The following NOTCH2 variants were observed in gnomAD, a reference collection of about 807,000 sequenced individuals.
NOTCH2 encodes neurogenic locus notch homolog protein 2.
A neutral mutation model predicts 235.8 loss-of-function variants in NOTCH2; 29 were observed. The observed-to-expected ratio is 0.12, with a 90% CI of 0.09 to 0.17. The LOEUF is 0.17. NOTCH2 is among the 10% of genes least tolerant of loss of function. The pLI is 1.00. For missense variants in NOTCH2, 2,285 were observed against 3,150.2 expected, an observed-to-expected ratio of 0.73 and a Z score of 6.57; for synonymous variants, 1,086 against 1,141.5, an observed-to-expected ratio of 0.95 and a Z score of 0.98.
At position 119,915,084 on chromosome 1, in the gene NOTCH2, C is replaced by T. The variant is rs1269715961; in HGVS notation, c.*222G>A. On this transcript the variant is annotated 3_prime_UTR_variant, in exon 34 of 34. Transcript: ENST00000256646. ...GGCTTGTATTCATCTTGCATTTCCA[C>T]AAACTTGTCTTATTAGATTAGAATA... is the stretch of plus-strand genomic sequence containing the variant. 1 of 584,634 alleles carries T rather than the reference C, an allele frequency of 1.7e-6. No homozygotes were observed. Among genetic ancestry groups the T allele is most frequent in the African/African-American group, 1.9e-5 (1 of 53,730 alleles). The allele number at this position is 584,634 out of a possible 1,614,324, so 36.2% of individuals were successfully genotyped here. A position where few individuals can be genotyped will look rare whatever the true frequency, so the allele number is the denominator to read the frequency against.
At chr1:119,959,232 C>G (rs1650844719) in intron 12 of NOTCH2, among the ~76,000 whole-genome samples, 160 bp downstream of exon 12, 1 of 152,164 alleles carries the variant, frequency 6.6e-6, no homozygotes, top group Non-Finnish European at 1.5e-5. Flanking sequence ...TAGAAAAGGT[C>G]TGTGAACAGA....
intron 24 of NOTCH2, 75 bp downstream of exon 24, chr1:119,926,424 G>T (rs373278007): frequency 6.1e-5 from 70 of 1,149,840 alleles, no homozygotes; most frequent in East Asian, 6.0e-4. Flanking sequence ...GTAAAACCAG[G>T]TTTAATCTCA....
intron 3 of NOTCH2, among the ~76,000 whole-genome samples, chr1:120,000,532 C>CAAA (rs1183950511): frequency 1.2e-3 from 42 of 35,490 alleles, no homozygotes; most frequent in African/African-American, 4.6e-3. Context: ...TACTCCATCT[C>CAAA]AAAAAAAAAA....
chr1:120,005,523 T>C lies in NOTCH2; in HGVS notation c.221A>G (p.Gln74Arg), dbSNP rs782359787. Residue 74 changes from glutamine to arginine, a missense_variant, in exon 3 of 34, where the codon CAG (glutamine) becomes CGG (arginine). Gln to Arg is a conservative substitution (Grantham distance 43, BLOSUM62 1). Transcript: ENST00000256646. The stretch of plus-strand genomic sequence containing the variant: ...CTGGGCCACACAAGTCCCACCATTC[T>C]GGCAGCGGTTCTTCTCACAGGGGTC... The part of the protein sequence containing the change: ...HRDPCEKNRC[Q>R]NGGTCVAQAM... 4 of 1,609,706 alleles carry C rather than the reference T, an allele frequency of 2.5e-6. No homozygotes were observed. Among genetic ancestry groups the C allele is most frequent in the African/African-American group, 2.7e-5 (2 of 74,538 alleles).
chr1:119,962,665 G>C (rs1164171380), intron 11 of NOTCH2, among the ~76,000 whole-genome samples: 1 of 152,058 alleles, frequency 6.6e-6, no homozygotes, highest in Admixed American at 6.6e-5. Context: ...TCTCTACATA[G>C]GTCATTTTCC....
At chr1:120,004,774 G>A (rs1553206012) in intron 3 of NOTCH2, among the ~76,000 whole-genome samples, 2 of 151,530 alleles carry the variant, frequency 1.3e-5, no homozygotes, top group African/African-American at 4.9e-5. Context: ...CCATCCTGGT[G>A]TACATATTTT....
At chr1:119,924,065 G>A in intron 25 of NOTCH2, 81 bp from the exon 26 acceptor site, 4 of 1,251,812 alleles carry the variant, frequency 3.2e-6, no homozygotes, top group Non-Finnish European at 3.4e-6. Context: ...TGGAACTACT[G>A]TGGATTTTCC....
At chr1:119,952,689 C>T (rs1650528206) in intron 14 of NOTCH2, among the ~76,000 whole-genome samples, 1 of 152,176 alleles carries the variant, frequency 6.6e-6, no homozygotes, top group Non-Finnish European at 1.5e-5. Flanking sequence ...CCCTCACTGG[C>T]TGCTCACCTC....
At chr1:120,040,871 A>T (rs1553212630) in intron 1 of NOTCH2, among the ~76,000 whole-genome samples, 1 of 149,470 alleles carries the variant, frequency 6.7e-6, no homozygotes, top group Non-Finnish European at 1.5e-5. Flanking sequence ...CCACATCTCT[A>T]CTAAAAATAC....
intron 3 of NOTCH2, among the ~76,000 whole-genome samples, chr1:120,001,746 G>A (rs587598462): frequency 1.8e-4 from 28 of 152,250 alleles, no homozygotes; most frequent in African/African-American, 4.6e-4. Context: ...TACCATCCGC[G>A]GACTCATGGA....
At chr1:120,049,346 GA>G (rs1424125235) in intron 1 of NOTCH2, among the ~76,000 whole-genome samples, 15 of 67,054 alleles carry the variant, frequency 2.2e-4, no homozygotes, top group Admixed American at 3.5e-4. Context: ...GTATTACCTG[GA>G]CGCTTTTTAG....
chr1:120,015,367 G>A (rs61787053), intron 2 of NOTCH2, among the ~76,000 whole-genome samples: 8 of 152,146 alleles, frequency 5.3e-5, no homozygotes, highest in Admixed American at 2.6e-4. Flanking sequence ...GGGAGCTGTC[G>A]TTAAGGTAAA....
chr1:119,943,612 G>T (rs1553196726), intron 17 of NOTCH2, among the ~76,000 whole-genome samples: 1 of 151,878 alleles, frequency 6.6e-6, no homozygotes, highest in East Asian at 1.9e-4. Flanking sequence ...TTTTAAAAAA[G>T]ATTTTTAAAA....
Position 119,929,210 on chromosome 1 carries a change from G to C in NOTCH2, c.3658C>G (p.Leu1220Val), listed in dbSNP as rs1553194831. The change falls in exon 23 of 34, where the codon CTA becomes GTA. Residue 1220 changes from leucine to valine, a missense_variant and splice_region_variant. By Grantham distance (32) the Leu-to-Val change is conservative. Around this residue, in one of 6 missense-constraint regions of NOTCH2, gnomAD observed 1,173 missense variants for 1,515.3 expected, o/e 0.77. Transcript: ENST00000256646. ...TCATCAATGTTCTCTTCACAGAGTA[G>C]GCCTGGAGGAAAGAGAAGAGGTACA... ...KCSCPPGTRG[L>V]LCEENIDDCA... 1 of 1,611,936 alleles carries C rather than the reference G, an allele frequency of 6.2e-7. No homozygotes were observed. The highest frequency in any genetic ancestry group is 2.2e-5 in the East Asian group (1 of 44,890).
chr1:120,006,753 TC>T (rs1231629667), intron 2 of NOTCH2, among the ~76,000 whole-genome samples: 1 of 151,880 alleles, frequency 6.6e-6, no homozygotes, highest in African/African-American at 2.4e-5. Flanking sequence ...AATCCCCCTC[TC>T]AAAAACCAGC....
At position 119,965,431 on chromosome 1, in the gene NOTCH2, TGAAAAG is replaced by T. The variant is rs782043012; in HGVS notation, c.1681+16_1681+21del. The stretch of plus-strand genomic sequence containing the variant: ...TGTTCAGATGGACCTACCAAGGAGA[TGAAAAG>T]TGAGAAGAATCTTACCTGTGGCACA... On this transcript the variant is annotated intron_variant, in intron 10 of 33. Transcript: ENST00000256646. 13 of 1,572,948 alleles carry T rather than the reference TGAAAAG, an allele frequency of 8.3e-6. No individual in the cohort carries two copies. In the African/African-American group the frequency reaches 1.8e-4, roughly 21 times the overall value.
chr1:119,951,713 C>A (rs1285242941), intron 14 of NOTCH2, among the ~76,000 whole-genome samples: 1 of 152,220 alleles, frequency 6.6e-6, no homozygotes, highest in Non-Finnish European at 1.5e-5. Flanking sequence ...AAATACTGCA[C>A]ACCTTTGCAT....
At chr1:120,055,724 C>G (rs1655114982) in intron 1 of NOTCH2, among the ~76,000 whole-genome samples, 1 of 152,032 alleles carries the variant, frequency 6.6e-6, no homozygotes, top group Admixed American at 6.6e-5. Context: ...AAATAAAAAC[C>G]TGACAACCCT....
intron 5 of NOTCH2, among the ~76,000 whole-genome samples, chr1:119,979,463 G>T (rs1157561175): frequency 5.3e-5 from 8 of 152,134 alleles, no homozygotes; most frequent in African/African-American, 1.9e-4. Flanking sequence ...CGTGACCCAA[G>T]AATTTGATAT....
Sources: gnomAD v4.1 joint callset for allele counts (sites outside exome capture counted in the v4.1 genomes callset) on GRCh38, gnomAD v4.1.1 for gene constraint, gnomAD v4.1.1 regional missense constraint, MANE v1.5 for transcripts, NCBI Gene and HGNC (gene_info 2026-07-23, HGNC 2026-07-21) for gene names.